Variants in ENTPD1 observed in about 807,000 individuals in gnomAD.
The protein encoded by ENTPD1 is ectonucleoside triphosphate diphosphohydrolase 1.
A neutral mutation model predicts 57.0 loss-of-function variants in ENTPD1; 33 were observed. That is an observed-to-expected ratio of 0.58 (90% CI 0.44 to 0.77). ENTPD1 has a LOEUF of 0.77. ENTPD1 is among the 30% of genes least tolerant of loss of function. ENTPD1 has a pLI of 0.00. For missense variants in ENTPD1, 501 were observed against 603.4 expected (o/e 0.83, Z 1.78); for synonymous variants, 202 against 218.8 (o/e 0.92, Z 0.68).
At chr10:95,699,584 G>A in the ENTPD1 span, among the ~76,000 whole-genome samples, 1 of 151,430 alleles carries the variant, frequency 6.6e-6, no homozygotes, top group African/African-American at 2.4e-5. Context: ...CTCCAGCCTG[G>A]GTGACAGAGC....
At chr10:95,785,679 A>C (rs1272673103) in intron 1 of ENTPD1, among the ~76,000 whole-genome samples, 1 of 152,154 alleles carries the variant, frequency 6.6e-6, no homozygotes, top group African/African-American at 2.4e-5. Flanking sequence ...AGAAGAGTTA[A>C]ATGAGTGTCA....
At chr10:95,853,359 C>A (rs1443392853) in intron 7 of ENTPD1, among the ~76,000 whole-genome samples, 1 of 152,202 alleles carries the variant, frequency 6.6e-6, no homozygotes, top group African/African-American at 2.4e-5. Flanking sequence ...TCTAGACATA[C>A]AATCATGTCA....
At chr10:95,720,548 G>A (rs2097976334) in intron 1 of ENTPD1, among the ~76,000 whole-genome samples, 1 of 152,160 alleles carries the variant, frequency 6.6e-6, no homozygotes, top group Non-Finnish European at 1.5e-5. Flanking sequence ...TGAGAAGGCC[G>A]TGCCAGTGTC....
intron 1 of ENTPD1, among the ~76,000 whole-genome samples, chr10:95,782,008 A>T (rs1376926514): frequency 6.6e-6 from 1 of 152,216 alleles, no homozygotes; most frequent in African/African-American, 2.4e-5. Flanking sequence ...TTCTGTGAGT[A>T]GAAACTCCTT....
rs1241086031 is a variant in ENTPD1 at position 95,869,004 on chromosome 10, G to T, written c.*2621G>T. On this transcript the variant is annotated 3_prime_UTR_variant, in exon 10 of 10. Transcript: ENST00000371205. ...AGAGGCAGATCCAGCAATCTGCTTT[G>T]GGCCACTCTGGGTGGGGTAGGTGAA... The T allele has an allele frequency of 1.0e-6, 1 of 985,158 alleles. No homozygotes were observed. Among genetic ancestry groups the T allele is most frequent in the South Asian group, 4.7e-5 (1 of 21,282 alleles). 61.0% of individuals were successfully genotyped at this position (985,158 alleles called of 1,614,324 possible).
At chr10:95,776,608 G>A (rs912268234) in intron 1 of ENTPD1, among the ~76,000 whole-genome samples, 1 of 152,096 alleles carries the variant, frequency 6.6e-6, no homozygotes, top group African/African-American at 2.4e-5. Context: ...ACAATTATGT[G>A]TCTTGGGGTT....
rs987536268 is a variant in ENTPD1, at chr10:95,874,774, G to A, written c.*8391G>A. Among the ~76,000 whole-genome samples the A allele has an allele frequency of 1.3e-5, 2 of 152,226 alleles. No individual in the cohort carries two copies. The highest frequency in any genetic ancestry group is 4.8e-5 in the African/African-American group (2 of 41,454). The stretch of plus-strand genomic sequence containing the variant: ...TTTCCATATATATTCTGAAATCTAG[G>A]CAGAGGTTCCCAAATCTCAATTCTT... On this transcript the variant is annotated 3_prime_UTR_variant, in exon 10 of 10. Transcript: ENST00000371205.
rs573119004 is a variant in ENTPD1 at position 95,836,386 on chromosome 10, G to C, written c.145-3305G>C. Among the ~76,000 whole-genome samples, 15 of 152,090 alleles carry C rather than the reference G, an allele frequency of 9.9e-5. 1 individual carries two copies. The South Asian group carries it at 3.1e-3, about 32-fold the overall frequency. ...TGGGCAATACGACGCATTCAAAAAA[G>C]ACTTGGAAGGAAATAAATAAAAATA... On this transcript the variant is annotated intron_variant, in intron 2 of 9. Coordinates refer to ENST00000371205, the MANE Select transcript of ENTPD1 (RefSeq NM_001776.6).
At chr10:95,758,664 T>C (rs969348993) in intron 1 of ENTPD1, among the ~76,000 whole-genome samples, 1 of 152,200 alleles carries the variant, frequency 6.6e-6, no homozygotes, top group Non-Finnish European at 1.5e-5. Context: ...AGTGCAATTT[T>C]ATTTTTAGTC....
At chr10:95,769,356 C>CT (rs2140080281) in intron 1 of ENTPD1, among the ~76,000 whole-genome samples, 1 of 152,316 alleles carries the variant, frequency 6.6e-6, no homozygotes, top group Non-Finnish European at 1.5e-5. Flanking sequence ...CATATGGCTG[C>CT]TAGTGTGGCT....
chr10:95,867,535 T>C lies in ENTPD1; in HGVS notation c.*1152T>C. On this transcript the variant is annotated 3_prime_UTR_variant, in exon 10 of 10. Transcript: ENST00000371205. The stretch of plus-strand genomic sequence containing the variant: ...TGTGGAGTGGCATGCTTTTGCCCTA[T>C]CGTGGAATTTACACATCAGAATGTG... 3.0e-6 allele frequency: 3 copies of C among 985,440 alleles called. No individual in the cohort carries two copies. Among genetic ancestry groups the C allele is most frequent in the Non-Finnish European group, 3.6e-6 (3 of 829,930 alleles). 61.0% of individuals were successfully genotyped at this position (985,440 alleles called of 1,614,324 possible).
intron 1 of ENTPD1, among the ~76,000 whole-genome samples, chr10:95,819,145 CTATGGACAAAATTAAA>C (rs1385400369): frequency 6.6e-6 from 1 of 152,054 alleles, no homozygotes; most frequent in African/African-American, 2.4e-5. Flanking sequence ...AGAATTTTGA[CTATGGACAAAATTAAA>C]TAATTTGTTT....
chr10:95,866,668 A>AATC lies in ENTPD1; in HGVS notation c.*286_*288dup. Reference sequence around the variant, plus strand: ...GTTTTAAAGACCTGACACCTTTCATAATCTTTGCTTTATAAAAGAACAATA... The same window carrying AATC: ...GTTTTAAAGACCTGACACCTTTCATAATCATCTTTGCTTTATAAAAGAACAATA... On this transcript the variant is annotated 3_prime_UTR_variant, in exon 10 of 10. Coordinates refer to ENST00000371205, the MANE Select transcript of ENTPD1 (RefSeq NM_001776.6). 7.9e-7 allele frequency: 1 copy of AATC among 1,258,740 alleles called. No individual in the cohort carries two copies. The highest frequency in any genetic ancestry group is 4.3e-5 in the East Asian group (1 of 23,334). 78.0% of individuals were successfully genotyped at this position (1,258,740 alleles called of 1,614,324 possible). A position where few individuals can be genotyped will look rare whatever the true frequency, so the allele number is the denominator to read the frequency against.
intron 1 of ENTPD1, among the ~76,000 whole-genome samples, chr10:95,771,392 T>C (rs1194586690): frequency 2.0e-5 from 3 of 152,228 alleles, no homozygotes; most frequent in Non-Finnish European, 4.4e-5. Context: ...TTCCTAAAAG[T>C]AGAATTTCCA....
Position 95,762,864 on chromosome 10 carries a change from A to G in ENTPD1, c.16+6609A>G, listed in dbSNP as rs143368081. On this transcript the variant is annotated intron_variant, in intron 1 of 9. Transcript: ENST00000371205. ...ACAGCTTTGGTGTTTTTGTTTTTAA[A>G]TAATTTTATCAATTTTTAGATTGTT... is the stretch of plus-strand genomic sequence containing the variant. Among the ~76,000 whole-genome samples, 11 of 152,234 alleles carry G rather than the reference A, an allele frequency of 7.2e-5. No homozygotes were observed. The East Asian group carries it at 2.1e-3, about 29-fold the overall frequency.
intron 1 of ENTPD1, among the ~76,000 whole-genome samples, chr10:95,770,950 T>C (rs913431913): frequency 1.3e-5 from 2 of 152,120 alleles, no homozygotes; most frequent in Non-Finnish European, 2.9e-5. Flanking sequence ...TTAAAATATA[T>C]AAAGAATAAA....
intron 1 of ENTPD1, among the ~76,000 whole-genome samples, chr10:95,812,123 T>C (rs540226148): frequency 4.6e-5 from 7 of 151,810 alleles, no homozygotes; most frequent in African/African-American, 1.7e-4. Flanking sequence ...AAATTCACTT[T>C]TTAAGGTGTA....
At chr10:95,804,856 A>T (rs1328034864) in intron 1 of ENTPD1, among the ~76,000 whole-genome samples, 2 of 152,186 alleles carry the variant, frequency 1.3e-5, no homozygotes, top group Non-Finnish European at 2.9e-5. Flanking sequence ...ATGTTCCATC[A>T]ATACCTAGTT....
chr10:95,789,220 T>C (rs1190095322), intron 1 of ENTPD1, among the ~76,000 whole-genome samples: 1 of 152,220 alleles, frequency 6.6e-6, no homozygotes, highest in East Asian at 1.9e-4. Flanking sequence ...CTTTTCTAAA[T>C]GAGTTTAAAG....
Sources: gnomAD v4.1 joint callset for allele counts (sites outside exome capture counted in the v4.1 genomes callset) on GRCh38, gnomAD v4.1.1 for gene constraint, MANE v1.5 for transcripts, NCBI Gene and HGNC (gene_info 2026-07-23, HGNC 2026-07-21) for gene names.